PNPLA1: variants seen among roughly 807,000 people sequenced by gnomAD.
PNPLA1 encodes the protein patatin like domain 1, omega-hydroxyceramide transacylase.
PNPLA1 carries 36 observed loss-of-function variants against 51.7 expected under a neutral mutation model. The ratio of observed to expected loss-of-function variants is 0.70; its 90% CI spans 0.53 to 0.92. The LOEUF (loss-of-function observed/expected upper bound fraction) is 0.92, where lower values mean the gene tolerates loss of function less well. PNPLA1 is among the 40% of genes least tolerant of loss of function. PNPLA1 has a pLI of 0.00. For missense variants in PNPLA1, 658 were observed against 682.5 expected, an observed-to-expected ratio of 0.96 and a Z score of 0.40; for synonymous variants, 293 against 280.1, an observed-to-expected ratio of 1.05 and a Z score of -0.46.
intron 1 of PNPLA1, among the ~76,000 whole-genome samples, chr6:36,258,091 C>T (rs559711537): frequency 1.8e-4 from 28 of 152,310 alleles, no homozygotes; most frequent in African/African-American, 6.5e-4. Context: ...TCCCAAACTG[C>T]CTGGATTACA....
chr6:36,277,599 C>T (rs932661775), intron 1 of PNPLA1, among the ~76,000 whole-genome samples: 1 of 152,178 alleles, frequency 6.6e-6, no homozygotes, highest in East Asian at 1.9e-4. Flanking sequence ...TGCAGTGGCT[C>T]GTGCCTGTGA....
intron 1 of PNPLA1, among the ~76,000 whole-genome samples, chr6:36,271,528 G>A (rs891188703): frequency 6.6e-5 from 10 of 152,324 alleles, no homozygotes; most frequent in South Asian, 2.1e-4. Flanking sequence ...GTGTGAGGTC[G>A]GGAAGTGATA....
At position 36,312,946 on chromosome 6, in the gene PNPLA1, G is replaced by C. The variant is rs958908054; in HGVS notation, c.*1060G>C. Reference sequence around the variant, plus strand: ...GGGGGCCCAGCAGGACTGAGCCAACGACACGCTTCCTCTTTCTTGTGGTGG... The same window carrying C: ...GGGGGCCCAGCAGGACTGAGCCAACCACACGCTTCCTCTTTCTTGTGGTGG... On this transcript the variant is annotated 3_prime_UTR_variant, in exon 9 of 9. Transcript: ENST00000636260. 6.6e-6 allele frequency among the ~76,000 whole-genome samples: 1 copy of C among 152,116 alleles called. No homozygotes were observed. Among genetic ancestry groups the C allele is most frequent in the African/African-American group, 2.4e-5 (1 of 41,412 alleles).
At chr6:36,296,276 T>TA (rs1417533975) in intron 5 of PNPLA1, among the ~76,000 whole-genome samples, 2 of 152,162 alleles carry the variant, frequency 1.3e-5, no homozygotes, top group Non-Finnish European at 2.9e-5. Flanking sequence ...ACCCTGTCTC[T>TA]AAAAAAAGAA....
chr6:36,257,169 C>T (rs1221154717), intron 1 of PNPLA1, among the ~76,000 whole-genome samples: 1 of 152,110 alleles, frequency 6.6e-6, no homozygotes, highest in Non-Finnish European at 1.5e-5. Flanking sequence ...TCAGAGAAAA[C>T]CCTTCCCTGC....
In PNPLA1 at chr6:36,270,775, G is replaced by C. The variant is rs1769891826; in HGVS notation, c.205+111G>C. The stretch of plus-strand genomic sequence containing the variant: ...TTGGGGGACAAAGCCAGGCCTGGGT[G>C]GCAGGAAGGGAAGGGAAGAGCTGGT... On this transcript the variant is annotated intron_variant, in intron 1 of 8. Transcript: ENST00000636260. 3 of 1,282,206 alleles carry C rather than the reference G, an allele frequency of 2.3e-6. No homozygotes were observed. In the Admixed American group the frequency reaches 6.3e-5, roughly 27 times the overall value. 79.4% of individuals were successfully genotyped at this position (1,282,206 alleles called of 1,614,324 possible).
chr6:36,244,253 C>A (rs1402884443), intron 1 of PNPLA1, among the ~76,000 whole-genome samples: 1 of 152,006 alleles, frequency 6.6e-6, no homozygotes, highest in Non-Finnish European at 1.5e-5. Flanking sequence ...CCCAGTTTTC[C>A]TTCCTAGAGA....
At position 36,280,709 on chromosome 6, in the gene PNPLA1, C is replaced by G. The variant is rs181542939; in HGVS notation, c.205+10045C>G. 1.3e-3 allele frequency among the ~76,000 whole-genome samples: 191 copies of G among 152,232 alleles called. 3 individuals carry two copies. The South Asian group carries it at 0.032, about 26-fold the overall frequency. On this transcript the variant is annotated intron_variant, in intron 1 of 8. Transcript: ENST00000636260. ...TCTCATGCCACTGGCTTTCAGTTCC[C>G]TCTTCATTTCTTCCTTTCTTGTGAG...
At chr6:36,302,565 T>C in intron 6 of PNPLA1, 96 bp downstream of exon 6, 1 of 1,466,710 alleles carries the variant, frequency 6.8e-7, no homozygotes. Flanking sequence ...TCTTTAGGGG[T>C]GCGTGGCTGA....
intron 1 of PNPLA1, among the ~76,000 whole-genome samples, chr6:36,248,266 T>C (rs1180505914): frequency 6.6e-6 from 1 of 152,216 alleles, no homozygotes; most frequent in Non-Finnish European, 1.5e-5. Context: ...GACAAGGCTC[T>C]GGTGAACCTG....
chr6:36,264,958 C>A lies in PNPLA1; in HGVS notation c.-81+21697C>A, dbSNP rs533444627. ...GGAAACATTTAAACACTTCTACCCC[C>A]ACCATGGATATGTCTACATGTTTGG... On this transcript the variant is annotated intron_variant, in intron 1 of 7. Transcript: ENST00000312917. Among the ~76,000 whole-genome samples the A allele has an allele frequency of 1.3e-5, 2 of 152,302 alleles. 1 individual carries two copies. Among genetic ancestry groups the A allele is most frequent in the South Asian group, 4.1e-4 (2 of 4,830 alleles).
At chr6:36,288,477 G>T (rs528576925) in intron 1 of PNPLA1, among the ~76,000 whole-genome samples, 1 of 138,094 alleles carries the variant, frequency 7.2e-6, no homozygotes, top group African/African-American at 2.7e-5. Flanking sequence ...ACGGAGTCTC[G>T]CTCTGTCGCC....
intron 5 of PNPLA1, among the ~76,000 whole-genome samples, chr6:36,297,811 C>T (rs747782800): frequency 3.9e-5 from 6 of 152,108 alleles, no homozygotes; most frequent in African/African-American, 9.7e-5. Context: ...TTCCGCCCTC[C>T]TCCCCCACTC....
rs767034728 is a variant in PNPLA1 at position 36,270,624 on chromosome 6, T to A, written c.165T>A (p.Gly55=). ...TAHRFAGTSA[G]AVIAALAICG... is the part of the protein sequence containing the mutation. ...ACCGCTTTGCGGGGACATCGGCAGG[T>A]GCTGTGATCGCCGCCCTGGCCATCT... is the stretch of plus-strand genomic sequence containing the variant. The change falls in exon 1 of 9, where the codon GGT becomes GGA. Residue 55 remains glycine (G), a synonymous_variant. Transcript: ENST00000636260. 1 of 1,549,914 alleles carries A rather than the reference T, an allele frequency of 6.5e-7. No homozygotes were observed. Among genetic ancestry groups the A allele is most frequent in the Non-Finnish European group, 8.7e-7 (1 of 1,146,800 alleles).
At chr6:36,271,026 A>G (rs1351527746) in intron 1 of PNPLA1, among the ~76,000 whole-genome samples, 1 of 152,178 alleles carries the variant, frequency 6.6e-6, no homozygotes, top group African/African-American at 2.4e-5. Context: ...ATTGGGGTTC[A>G]GTGTTGCTCC....
chr6:36,297,184 C>A (rs1770883576), intron 5 of PNPLA1, among the ~76,000 whole-genome samples: 1 of 152,296 alleles, frequency 6.6e-6, no homozygotes, highest in African/African-American at 2.4e-5. Context: ...CAAGTAGGAA[C>A]AGATACAACT....
intron 8 of PNPLA1, chr6:36,307,963 T>C (rs893309032): frequency 8.1e-6 from 3 of 370,442 alleles, no homozygotes; most frequent in African/African-American, 6.2e-5. Flanking sequence ...CTTCATAAAG[T>C]TGTGAGAGTT....
In PNPLA1 at chr6:36,291,386, C is replaced by G; in HGVS notation, c.272C>G (p.Ser91Cys). ...AAGAAATCCTTCCTGGGGCCCTTGT[C>G]CCCGTCCTGTAAGATGGTGCAGATG... ...EVKKSFLGPL[S>C]PSCKMVQMMR... The change falls in exon 2 of 9, where the codon TCC becomes TGC. Residue 91 changes from serine to cysteine, a missense_variant. Physicochemically the swap from Ser to Cys is moderately radical, Grantham distance 112 (BLOSUM62 -1). Coordinates refer to ENST00000636260, the MANE Select transcript of PNPLA1 (RefSeq NM_001374623.1). 1 of 1,614,094 alleles carries G rather than the reference C, an allele frequency of 6.2e-7. No homozygotes were observed. Among genetic ancestry groups the G allele is most frequent in the Non-Finnish European group, 8.5e-7 (1 of 1,179,970 alleles).
intron 1 of PNPLA1, among the ~76,000 whole-genome samples, chr6:36,262,384 C>G (rs4713945): frequency 1.3e-5 from 2 of 152,206 alleles, no homozygotes; most frequent in Non-Finnish European, 2.9e-5. Context: ...TGCCCCATTT[C>G]TAATAATTCA....
Sources: gnomAD v4.1 joint callset for allele counts (sites outside exome capture counted in the v4.1 genomes callset) on GRCh38, gnomAD v4.1.1 for gene constraint, MANE v1.5 for transcripts, NCBI Gene and HGNC (gene_info 2026-07-23, HGNC 2026-07-21) for gene names.